RGS9: variants seen among roughly 807,000 people sequenced by gnomAD.
RGS9 encodes the protein regulator of G protein signaling 9.
Under a neutral mutation model 102.0 loss-of-function variants are expected in RGS9, and 78 were observed. The ratio of observed to expected loss-of-function variants is 0.76; its 90% CI spans 0.64 to 0.92. The LOEUF (loss-of-function observed/expected upper bound fraction) is 0.92, where lower values mean the gene tolerates loss of function less well. RGS9 is among the 40% of genes least tolerant of loss of function. RGS9 has a pLI of 0.00. For synonymous variants in RGS9, 353 were observed against 318.6 expected (o/e 1.11, Z -1.15); for missense variants, 833 against 866.1 (o/e 0.96, Z 0.48).
intron 7 of RGS9, among the ~76,000 whole-genome samples, chr17:65,165,588 A>T (rs1307202558): frequency 2.6e-5 from 4 of 151,914 alleles, no homozygotes; most frequent in Admixed American, 2.6e-4. Context: ...CCATATTCAA[A>T]TATGTCTTTC....
rs753325360 is a variant in RGS9, at chr17:65,225,171, T to C, written c.1577T>C (p.Ile526Thr). 3 of 1,613,404 alleles carry C rather than the reference T, an allele frequency of 1.9e-6. No homozygotes were observed. Among genetic ancestry groups the C allele is most frequent in the East Asian group, 2.2e-5 (1 of 44,890 alleles). Residue 526 changes from isoleucine (I) to threonine (T), a missense_variant, in exon 18 of 19, where the codon ATC becomes ACC. This residue lies in a region of RGS9 where 320 missense variants were observed against 276.8 expected (regional missense o/e 1.16). Transcript: ENST00000262406. Reference protein sequence around the residue: ...RPSTTICPSPIRVALESSSGL... With the variant: ...RPSTTICPSPTRVALESSSGL... ...AGCACCACCATCTGCCCCTCACCCA[T>C]CAGAGTGGCCTTGGAGAGCTCATCG...
rs78473329 is a variant in RGS9, at chr17:65,208,516, A to G, written c.1289+509A>G. On this transcript the variant is annotated intron_variant, in intron 16 of 18. Transcript: ENST00000262406. ...GAAGTCCATGAACTTGTTCATTCTC[A>G]CTTTTCTCATTGGAGATGTGGATCA... Among the ~76,000 whole-genome samples, 65 of 152,256 alleles carry G rather than the reference A, an allele frequency of 4.3e-4. No homozygotes were observed. In the East Asian group the frequency reaches 0.011, roughly 25 times the overall value.
chr17:65,160,345 T>C lies in RGS9; in HGVS notation c.312+6T>C. 6.2e-7 allele frequency: 1 copy of C among 1,609,612 alleles called. No homozygotes were observed. The highest frequency in any genetic ancestry group is 8.5e-7 in the Non-Finnish European group (1 of 1,175,878). ...GCAGCCTCTACAGATTTCAGGTGAG[T>C]CTTGGCCTTGACCCTGGCTGTTCAT... On this transcript the variant is annotated splice_donor_region_variant and intron_variant, in intron 4 of 18. Coordinates refer to ENST00000262406, the MANE Select transcript of RGS9 (RefSeq NM_003835.4).
chr17:65,163,484 G>A (rs1049149216), intron 7 of RGS9, among the ~76,000 whole-genome samples: 8 of 152,210 alleles, frequency 5.3e-5, no homozygotes, highest in South Asian at 2.1e-4. Flanking sequence ...GAACCACTGC[G>A]CCTGGACTCT....
At chr17:65,197,508 C>T in intron 13 of RGS9, among the ~76,000 whole-genome samples, 1 of 152,144 alleles carries the variant, frequency 6.6e-6, no homozygotes, top group East Asian at 1.9e-4. Flanking sequence ...TTTCTGAGGG[C>T]TCCATCCATC....
rs138580447 is a variant in RGS9 at position 65,160,662 on chromosome 17, C to T, written c.364+75C>T. 5.7e-3 allele frequency: 8,837 copies of T among 1,537,164 alleles called. 57 individuals carry two copies. Among genetic ancestry groups the T allele is most frequent in the South Asian group, 0.014 (1,220 of 88,696 alleles). On this transcript the variant is annotated intron_variant, in intron 5 of 18. Transcript: ENST00000262406. The stretch of plus-strand genomic sequence containing the variant: ...TTATTTACTTGCTGCACTTTGGTGA[C>T]ATTTGTCTTGCTGTCATCATGACCT...
At position 65,145,551 on chromosome 17, in the gene RGS9, T is replaced by TTA. The variant is rs1598555425; in HGVS notation, c.58-7870_58-7869insAT. 4.4e-5 allele frequency among the ~76,000 whole-genome samples: 5 copies of TTA among 113,302 alleles called. No individual in the cohort carries two copies. In the East Asian group the frequency reaches 1.1e-3, roughly 24 times the overall value. 74.3% of individuals were successfully genotyped at this position (113,302 alleles called of 152,430 possible). A position where few individuals can be genotyped will look rare whatever the true frequency, so the allele number is the denominator to read the frequency against. The stretch of plus-strand genomic sequence containing the variant: ...TGTAGCCTGCCACCACTCCTGGCTA[T>TTA]TTTTTTTTTTTTTAATATATTTTTA... On this transcript the variant is annotated intron_variant, in intron 1 of 18. Coordinates refer to ENST00000262406, the MANE Select transcript of RGS9 (RefSeq NM_003835.4).
chr17:65,139,097 AGCTCTCCCCCCTCC>A (rs1910042563), intron 1 of RGS9, among the ~76,000 whole-genome samples: 1 of 65,014 alleles, frequency 1.5e-5, no homozygotes, highest in Non-Finnish European at 2.7e-5. Context: ...CCTCCACCCC[AGCTCTCCCCCCTCC>A]ACCCCACCTT....
chr17:65,164,563 C>T (rs1289772029), intron 7 of RGS9, among the ~76,000 whole-genome samples: 1 of 152,200 alleles, frequency 6.6e-6, no homozygotes. Flanking sequence ...ATGGGGAAGA[C>T]CTGATTCTCA....
Position 65,150,482 on chromosome 17 carries a change from C to T in RGS9, c.58-2940C>T, listed in dbSNP as rs549558956. ...ACTAAAAATACAAAAATTAGCTGGG[C>T]GTGGTGGCGGGCACCTGTAATCCCA... is the stretch of plus-strand genomic sequence containing the variant. On this transcript the variant is annotated intron_variant, in intron 1 of 18. Coordinates refer to ENST00000262406, the MANE Select transcript of RGS9 (RefSeq NM_003835.4). 1.6e-3 allele frequency among the ~76,000 whole-genome samples: 243 copies of T among 152,002 alleles called. 3 individuals are homozygous for T. The highest frequency in any genetic ancestry group is 0.01 in the South Asian group (49 of 4,800).
intron 17 of RGS9, among the ~76,000 whole-genome samples, chr17:65,215,547 T>TCTTTCTTTC (rs57811134): frequency 1.5e-5 from 2 of 137,242 alleles, no homozygotes; most frequent in African/African-American, 6.4e-5. Flanking sequence ...TTTCTTTCTT[T>TCTTTCTTTC]TTTTTTGTTT....
intron 1 of RGS9, among the ~76,000 whole-genome samples, chr17:65,141,967 C>T (rs1910174354): frequency 6.6e-6 from 1 of 152,160 alleles, no homozygotes; most frequent in Non-Finnish European, 1.5e-5. Context: ...GTAAGAAAGG[C>T]CCAGATCTGC....
intron 13 of RGS9, among the ~76,000 whole-genome samples, chr17:65,199,587 G>A (rs146483878): frequency 0.01 from 1,477 of 145,714 alleles, 22 homozygotes; most frequent in African/African-American, 0.036. Flanking sequence ...TCTGCCTCCC[G>A]GGTTCAAGTG....
At chr17:65,180,305 A>G (rs998063778) in intron 9 of RGS9, among the ~76,000 whole-genome samples, 28 of 152,054 alleles carry the variant, frequency 1.8e-4, no homozygotes, top group Non-Finnish European at 4.0e-4. Flanking sequence ...TGGTTTGAAG[A>G]GAGGTCATTT....
intron 14 of RGS9, among the ~76,000 whole-genome samples, chr17:65,203,620 C>A (rs1912936384): frequency 6.6e-6 from 1 of 152,234 alleles, no homozygotes; most frequent in Non-Finnish European, 1.5e-5. Context: ...GCCACGGGCT[C>A]AGGAAGTGTG....
intron 2 of RGS9, among the ~76,000 whole-genome samples, chr17:65,154,325 C>T (rs1001932349): frequency 5.9e-5 from 9 of 152,128 alleles, no homozygotes; most frequent in Non-Finnish European, 1.2e-4. Flanking sequence ...TGTTTATTTA[C>T]TATCTAGCGC....
rs571342548 is a variant in RGS9 at position 65,215,965 on chromosome 17, A to G, written c.1407+5360A>G. On this transcript the variant is annotated intron_variant, in intron 17 of 18. Coordinates refer to ENST00000262406, the MANE Select transcript of RGS9 (RefSeq NM_003835.4). ...TGTACAACTCACTGACACAGAGGGT[A>G]TCAGGACTCATAGCGGAGCAAGCAG... 5.9e-5 allele frequency among the ~76,000 whole-genome samples: 9 copies of G among 152,268 alleles called. No individual in the cohort carries two copies. In the South Asian group the frequency reaches 1.9e-3, roughly 32 times the overall value.
chr17:65,171,202 C>A lies in RGS9; in HGVS notation c.582+2921C>A, dbSNP rs558422940. On this transcript the variant is annotated intron_variant, in intron 8 of 18. Coordinates refer to ENST00000262406, the MANE Select transcript of RGS9 (RefSeq NM_003835.4). ...TTGTCTGTTCATTGATCCATGAAATCTTCGTTGAGCCTTGACTTTGTCCCA... is the reference window on the plus strand; with the variant it reads ...TTGTCTGTTCATTGATCCATGAAATATTCGTTGAGCCTTGACTTTGTCCCA... 6.6e-5 allele frequency among the ~76,000 whole-genome samples: 10 copies of A among 152,316 alleles called. No homozygotes were observed. In the South Asian group the frequency reaches 1.9e-3, roughly 28 times the overall value.
chr17:65,204,369 CT>C, intron 15 of RGS9, 68 bp downstream of exon 15: 6 of 1,567,936 alleles, frequency 3.8e-6, no homozygotes, highest in African/African-American at 1.4e-5. Flanking sequence ...CCGGAAAATT[CT>C]TTAGATATAG....
Sources: gnomAD v4.1 joint callset for allele counts (sites outside exome capture counted in the v4.1 genomes callset) on GRCh38, gnomAD v4.1.1 for gene constraint, gnomAD v4.1.1 regional missense constraint, MANE v1.5 for transcripts, NCBI Gene and HGNC (gene_info 2026-07-23, HGNC 2026-07-21) for gene names.